Variants in TYR observed in about 807,000 individuals in gnomAD.
TYR encodes the protein LB24-AB.
Under a neutral mutation model 51.5 loss-of-function variants are expected in TYR, and 58 were observed. The observed-to-expected ratio is 1.13, with a 90% CI of 0.91 to 1.40. The LOEUF (loss-of-function observed/expected upper bound fraction) is 1.40. TYR is among the 40% of genes most tolerant of loss of function. The probability of loss-of-function intolerance (pLI) is 0.00; values close to 1 mark genes in which losing one functional copy is unlikely to be tolerated. For missense variants in TYR, 732 were observed against 647.4 expected (o/e 1.13, Z -1.42); for synonymous variants, 263 against 235.2 (o/e 1.12, Z -1.08).
chr11:89,275,285 T>C (rs1944640350), intron 3 of TYR, among the ~76,000 whole-genome samples: 1 of 151,884 alleles, frequency 6.6e-6, no homozygotes, highest in African/African-American at 2.4e-5. Context: ...GGCCTGCTAA[T>C]GCTTGGAACA....
intron 2 of TYR, among the ~76,000 whole-genome samples, chr11:89,221,754 T>G (rs914879510): frequency 2.3e-4 from 35 of 152,226 alleles, no homozygotes; most frequent in Admixed American, 6.5e-5. Context: ...ATTTTCTATC[T>G]TCTTTTTATT....
intron 3 of TYR, among the ~76,000 whole-genome samples, chr11:89,263,551 A>T (rs2135308964): frequency 6.6e-6 from 1 of 152,242 alleles, no homozygotes; most frequent in South Asian, 2.1e-4. Flanking sequence ...AATTGTCCAC[A>T]CTGGAAAGGA....
At chr11:89,213,397 T>C (rs545694520) in intron 2 of TYR, among the ~76,000 whole-genome samples, 2 of 152,120 alleles carry the variant, frequency 1.3e-5, no homozygotes, top group African/African-American at 4.8e-5. Context: ...TAAGGACCTC[T>C]TCAAAGAGGA....
At chr11:89,194,682 A>ATCTATCTATCTG (rs1943492640) in intron 2 of TYR, among the ~76,000 whole-genome samples, 1 of 149,682 alleles carries the variant, frequency 6.7e-6, no homozygotes, top group African/African-American at 2.5e-5. Context: ...CTATCTATCT[A>ATCTATCTATCTG]TCATCTATCT....
intron 2 of TYR, among the ~76,000 whole-genome samples, chr11:89,202,068 C>G (rs1178098113): frequency 6.8e-6 from 1 of 147,310 alleles, no homozygotes; most frequent in African/African-American, 2.5e-5. Flanking sequence ...CAGTGAGCCA[C>G]AGTGACTTAT....
chr11:89,268,406 A>G (rs1944550759), intron 3 of TYR, among the ~76,000 whole-genome samples: 1 of 151,936 alleles, frequency 6.6e-6, no homozygotes, highest in African/African-American at 2.4e-5. Flanking sequence ...TTATTATTCT[A>G]AGAGCCTCAG....
In TYR at chr11:89,227,875, C is replaced by T. The variant is rs1355906588; in HGVS notation, c.1089C>T (p.His363=). 3 of 1,613,426 alleles carry T rather than the reference C, an allele frequency of 1.9e-6. No homozygotes were observed. The highest frequency in any genetic ancestry group is 1.7e-5 in the Admixed American group (1 of 59,896). The change falls in exon 3 of 5, where the codon CAC becomes CAT. Residue 363 remains histidine (H), a synonymous_variant. Transcript: ENST00000263321. ...CGGATGCCTCTCAAAGCAGCATGCA[C>T]AATGCCTTGCACATCTATATGAATG... ...GIADASQSSM[H]NALHIYMNGT...
At position 89,224,508 on chromosome 11, in the gene TYR, C is replaced by T. The variant is rs550882973; in HGVS notation, c.1037-3315C>T. Among the ~76,000 whole-genome samples, 117 of 152,274 alleles carry T rather than the reference C, an allele frequency of 7.7e-4. 1 individual carries two copies. Among genetic ancestry groups the T allele is most frequent in the Middle Eastern group, 3.4e-3 (1 of 294 alleles). On this transcript the variant is annotated intron_variant, in intron 2 of 4. Coordinates refer to ENST00000263321, the MANE Select transcript of TYR (RefSeq NM_000372.5). ...TGGCATAGATACACTACTGCAGGTTCACAAAAACTTTCTAAGGGGTACATG... is the reference window on the plus strand; with the variant it reads ...TGGCATAGATACACTACTGCAGGTTTACAAAAACTTTCTAAGGGGTACATG...
intron 3 of TYR, among the ~76,000 whole-genome samples, chr11:89,278,231 C>T (rs1944679345): frequency 6.6e-6 from 1 of 151,634 alleles, no homozygotes; most frequent in Admixed American, 6.6e-5. Context: ...CCTCAGGCCA[C>T]AGACCAGATG....
chr11:89,293,351 A>C (rs1944869680), intron 4 of TYR, among the ~76,000 whole-genome samples: 1 of 151,430 alleles, frequency 6.6e-6, no homozygotes, highest in Non-Finnish European at 1.5e-5. Flanking sequence ...ACACACACAC[A>C]CACACACACA....
chr11:89,217,640 T>C (rs1490198439), intron 2 of TYR, among the ~76,000 whole-genome samples: 2 of 152,182 alleles, frequency 1.3e-5, no homozygotes, highest in Non-Finnish European at 2.9e-5. Context: ...GGATGTGTCT[T>C]GGGTGTTTCT....
At chr11:89,224,663 A>C (rs1045811664) in intron 2 of TYR, among the ~76,000 whole-genome samples, 1 of 152,178 alleles carries the variant, frequency 6.6e-6, no homozygotes, top group South Asian at 2.1e-4. Flanking sequence ...CCCTTCTCTG[A>C]TGTTTCAGAA....
intron 3 of TYR, among the ~76,000 whole-genome samples, chr11:89,247,864 T>A (rs762415622): frequency 7.2e-5 from 11 of 152,234 alleles, no homozygotes; most frequent in African/African-American, 1.7e-4. Context: ...TTTACCATAA[T>A]TATTTCGAGA....
chr11:89,179,336 T>G (rs1280805861), intron 1 of TYR, among the ~76,000 whole-genome samples: 2 of 152,146 alleles, frequency 1.3e-5, no homozygotes, highest in African/African-American at 2.4e-5. Context: ...AAATAATTAT[T>G]GGATTAGATC....
chr11:89,189,894 T>C (rs1943419804), intron 1 of TYR, among the ~76,000 whole-genome samples: 1 of 152,104 alleles, frequency 6.6e-6, no homozygotes, highest in Admixed American at 6.6e-5. Flanking sequence ...GGCATTTCTG[T>C]CAAGGATGGA....
At chr11:89,264,830 A>G (rs924042050) in intron 3 of TYR, among the ~76,000 whole-genome samples, 5 of 151,706 alleles carry the variant, frequency 3.3e-5, no homozygotes, top group African/African-American at 1.2e-4. Flanking sequence ...TGAAGTGTCT[A>G]ATATGTTATT....
At chr11:89,247,937 A>C (rs1341930372) in intron 3 of TYR, among the ~76,000 whole-genome samples, 1 of 152,216 alleles carries the variant, frequency 6.6e-6, no homozygotes, top group Non-Finnish European at 1.5e-5. Flanking sequence ...ACAGAGCTCT[A>C]AAGTAAATCA....
In TYR at chr11:89,178,279, G is replaced by A. The variant is rs756613253; in HGVS notation, c.326G>A (p.Gly109Glu). 5.6e-6 allele frequency: 9 copies of A among 1,614,054 alleles called. No homozygotes were observed. Among genetic ancestry groups the A allele is most frequent in the African/African-American group, 2.7e-5 (2 of 74,932 alleles). ...NCGNCKFGFW[G>E]PNCTERRLLV... ...GGAAACTGCAAGTTTGGCTTTTGGG[G>A]ACCAAACTGCACAGAGAGACGACTC... is the stretch of plus-strand genomic sequence containing the variant. Residue 109 changes from glycine (G) to glutamate (E), a missense_variant, in exon 1 of 5, where the codon GGA (glycine) becomes GAA (glutamate). By Grantham distance (98) the Gly-to-Glu change is moderately conservative. Transcript: ENST00000263321.
chr11:89,181,343 A>G (rs1943297018), intron 1 of TYR, among the ~76,000 whole-genome samples: 1 of 152,126 alleles, frequency 6.6e-6, no homozygotes, highest in African/African-American at 2.4e-5. Context: ...TTAAACCCTC[A>G]TTTTGTGATT....
Sources: gnomAD v4.1 joint callset for allele counts (sites outside exome capture counted in the v4.1 genomes callset) on GRCh38, gnomAD v4.1.1 for gene constraint, MANE v1.5 for transcripts, NCBI Gene and HGNC (gene_info 2026-07-23, HGNC 2026-07-21) for gene names.